Variants in POLK observed in about 807,000 individuals in gnomAD.
POLK encodes the protein DNA polymerase kappa.
A neutral mutation model predicts 94.0 loss-of-function variants in POLK; 76 were observed. The ratio of observed to expected loss-of-function variants is 0.81; its 90% CI spans 0.67 to 0.98. The LOEUF is 0.98. Among genes scored for constraint, POLK ranks in the 50% least tolerant of loss-of-function variants. The pLI is 0.00. For synonymous variants in POLK, 349 were observed against 325.4 expected, an observed-to-expected ratio of 1.07 and a Z score of -0.78; for missense variants, 954 against 1,010.1, an observed-to-expected ratio of 0.94 and a Z score of 0.75.
At chr5:75,569,479 C>T (rs1771471690) in exon 4 of POLK, 1 of 1,611,416 alleles carries the variant, frequency 6.2e-7, no homozygotes, top group South Asian at 1.1e-5. Context: ...GCTGTAGGAT[C>T]AATGAGTATG....
At chr5:75,590,281 C>A in intron 10 of POLK, 63 bp from the exon 11 acceptor site, 1 of 830,270 alleles carries the variant, frequency 1.2e-6, no homozygotes, top group Non-Finnish European at 1.9e-6. Context: ...ACATGCATAC[C>A]ATTTCCAAAT....
At chr5:75,590,401 C>T in exon 11 of POLK, 1 of 1,609,954 alleles carries the variant, frequency 6.2e-7, no homozygotes, top group Non-Finnish European at 8.5e-7. Flanking sequence ...AAGAACTTTG[C>T]AGTGAGCTTG....
chr5:75,559,953 G>T (rs945510043), intron 3 of POLK, among the ~76,000 whole-genome samples: 3 of 152,078 alleles, frequency 2.0e-5, no homozygotes, highest in African/African-American at 7.2e-5. Context: ...AATAGAAATG[G>T]GATATTTATA....
intron 7 of POLK, chr5:75,582,361 T>C (rs943355800): frequency 6.5e-6 from 1 of 152,704 alleles, no homozygotes; most frequent in Non-Finnish European, 1.5e-5. Context: ...AAGATCTATA[T>C]AACAATTAAA....
At chr5:75,560,101 G>A (rs1770890568) in intron 3 of POLK, among the ~76,000 whole-genome samples, 1 of 152,134 alleles carries the variant, frequency 6.6e-6, no homozygotes, top group South Asian at 2.1e-4. Context: ...GAGTAACCTG[G>A]TTTCAGTGTT....
chr5:75,562,726 T>C (rs1227240854), intron 3 of POLK, among the ~76,000 whole-genome samples: 1 of 152,186 alleles, frequency 6.6e-6, no homozygotes, highest in Admixed American at 6.5e-5. Flanking sequence ...TGAAGGGGTG[T>C]TGAATTTTAT....
chr5:75,535,299 A>G (rs1231770969), intron 1 of POLK, among the ~76,000 whole-genome samples: 1 of 152,114 alleles, frequency 6.6e-6, no homozygotes, highest in African/African-American at 2.4e-5. Context: ...TCTTCTGGCT[A>G]ATAAGGTTTC....
At chr5:75,601,363 C>A (rs1322025337), downstream of POLK, among the ~76,000 whole-genome samples, 1 of 152,014 alleles carries the variant, frequency 6.6e-6, no homozygotes, top group African/African-American at 2.4e-5. Flanking sequence ...GACAGTTAGA[C>A]CAAATATTTT....
chr5:75,573,915 G>T, intron 5 of POLK, 46 bp downstream of exon 5: 4 of 1,595,780 alleles, frequency 2.5e-6, no homozygotes, highest in Non-Finnish European at 3.4e-6. Context: ...CTGAGTTCCT[G>T]TCACCTACAG....
intron 3 of POLK, among the ~76,000 whole-genome samples, chr5:75,564,925 G>A (rs1024986568): frequency 3.9e-5 from 6 of 152,212 alleles, no homozygotes; most frequent in African/African-American, 7.2e-5. Flanking sequence ...GAGTGTTGGC[G>A]TTTCTTGCTA....
chr5:75,538,037 T>C (rs1769539137), intron 1 of POLK, among the ~76,000 whole-genome samples: 2 of 151,990 alleles, frequency 1.3e-5, no homozygotes, highest in Non-Finnish European at 2.9e-5. Flanking sequence ...TTTGTAGTTT[T>C]AGTAGAGACG....
chr5:75,581,475 T>C, intron 7 of POLK, 27 bp downstream of exon 7: 1 of 1,591,896 alleles, frequency 6.3e-7, no homozygotes, highest in African/African-American at 1.3e-5. Flanking sequence ...TGATGGCCAC[T>C]GTAGTTATAA....
intron 3 of POLK, among the ~76,000 whole-genome samples, chr5:75,555,756 C>G (rs1337903625): frequency 1.3e-5 from 2 of 152,128 alleles, no homozygotes; most frequent in African/African-American, 4.8e-5. Flanking sequence ...ACCATGTTGG[C>G]CAATCTGGTC....
At chr5:75,601,867 C>T (rs931216375), downstream of POLK, among the ~76,000 whole-genome samples, 4 of 152,152 alleles carry the variant, frequency 2.6e-5, no homozygotes, top group Non-Finnish European at 5.9e-5. Flanking sequence ...AGAAACTCCC[C>T]TTCATATATA....
At chr5:75,512,061 C>T in intron 1 of POLK, 147 bp downstream of exon 1, 1 of 376,174 alleles carries the variant, frequency 2.7e-6, no homozygotes, top group Non-Finnish European at 4.8e-6. Context: ...GGCTTGCGGG[C>T]CCAGACGTGA....
At chr5:75,547,811 T>C (rs1243372156) in intron 2 of POLK, among the ~76,000 whole-genome samples, 1 of 152,268 alleles carries the variant, frequency 6.6e-6, no homozygotes, top group Non-Finnish European at 1.5e-5. Context: ...TCTGAGAGTA[T>C]GTATTACCAT....
downstream of POLK, among the ~76,000 whole-genome samples, chr5:75,603,892 T>G (rs1212624844): frequency 6.6e-6 from 1 of 152,202 alleles, no homozygotes; most frequent in Non-Finnish European, 1.5e-5. Flanking sequence ...TGCTCCTGTT[T>G]CCCTACAAAG....
intron 1 of POLK, among the ~76,000 whole-genome samples, chr5:75,525,451 C>T (rs1488446257): frequency 6.6e-6 from 1 of 151,666 alleles, no homozygotes; most frequent in African/African-American, 2.4e-5. Flanking sequence ...GAAGATAGAG[C>T]AATACAAAAT....
upstream of POLK, chr5:75,511,065 T>C (rs372851282): frequency 9.4e-5 from 140 of 1,490,178 alleles, no homozygotes; most frequent in African/African-American, 1.7e-3. Flanking sequence ...ATTGCCTCGC[T>C]GCAGGTGAGT....
Sources: gnomAD v4.1 joint callset for allele counts (sites outside exome capture counted in the v4.1 genomes callset) on GRCh38, gnomAD v4.1.1 for gene constraint, MANE v1.5 for transcripts, NCBI Gene and HGNC (gene_info 2026-07-23, HGNC 2026-07-21) for gene names.